ATP8A2: variants seen among roughly 807,000 people sequenced by gnomAD.
The protein encoded by ATP8A2 is ATPase phospholipid transporting 8A2.
ATP8A2 carries 100 observed loss-of-function variants against 165.6 expected under a neutral mutation model. The ratio of observed to expected loss-of-function variants is 0.60; its 90% CI spans 0.51 to 0.71. The LOEUF (loss-of-function observed/expected upper bound fraction) is 0.71. Among genes scored for constraint, ATP8A2 ranks in the 30% least tolerant of loss-of-function variants. The pLI is 0.00. For synonymous variants in ATP8A2, 543 were observed against 548.8 expected, an observed-to-expected ratio of 0.99 and a Z score of 0.15; for missense variants, 1,227 against 1,479.5, an observed-to-expected ratio of 0.83 and a Z score of 2.80.
intron 30 of ATP8A2, among the ~76,000 whole-genome samples, chr13:25,855,661 C>A (rs1432897998): frequency 6.6e-6 from 1 of 152,058 alleles, no homozygotes; most frequent in East Asian, 1.9e-4. Context: ...CATATGTTTT[C>A]ATTTCTCTTG....
Position 25,372,198 on chromosome 13 carries a change from C to A in ATP8A2, c.-15C>A. On this transcript the variant is annotated 5_prime_UTR_variant, in exon 1 of 37. Coordinates refer to ENST00000381655, the MANE Select transcript of ATP8A2 (RefSeq NM_016529.6). The surrounding 1 kb of genome is among the most constrained non-coding windows in gnomAD (Gnocchi z 4.8). ...GTCTCTCGCCCGGGGCCGCCGAGCC[C>A]CCGACACGGGCGAGATGCTGAACGG... 1 of 1,428,298 alleles carries A rather than the reference C, an allele frequency of 7.0e-7. No individual in the cohort carries two copies. Among genetic ancestry groups the A allele is most frequent in the Non-Finnish European group, 9.3e-7 (1 of 1,079,874 alleles). The allele number at this position is 1,428,298 out of a possible 1,614,324, so 88.5% of individuals were successfully genotyped here.
intron 26 of ATP8A2, among the ~76,000 whole-genome samples, chr13:25,769,865 AG>A (rs1245273146): frequency 1.3e-5 from 2 of 152,164 alleles, no homozygotes; most frequent in Non-Finnish European, 2.9e-5. Flanking sequence ...GGCTGATCCG[AG>A]CCTCGCATGC....
chr13:25,875,666 A>AAG (rs1952802849), intron 33 of ATP8A2, among the ~76,000 whole-genome samples: 2 of 149,622 alleles, frequency 1.3e-5, no homozygotes, highest in African/African-American at 5.1e-5. Flanking sequence ...TTTCACCCAA[A>AAG]GAATGATAGA....
chr13:25,402,725 C>T (rs182668560), intron 1 of ATP8A2, among the ~76,000 whole-genome samples: 51 of 152,254 alleles, frequency 3.3e-4, no homozygotes, highest in African/African-American at 1.2e-3. Context: ...CTGAGGGCTC[C>T]GCCTTTGAGA....
At chr13:25,822,684 T>C (rs1430697503) in intron 27 of ATP8A2, among the ~76,000 whole-genome samples, 1 of 152,214 alleles carries the variant, frequency 6.6e-6, no homozygotes, top group Non-Finnish European at 1.5e-5. Context: ...ATTCCAAATA[T>C]GTGTGTACTA....
intron 35 of ATP8A2, among the ~76,000 whole-genome samples, chr13:26,008,829 G>T (rs1956790918): frequency 6.6e-6 from 1 of 152,060 alleles, no homozygotes; most frequent in African/African-American, 2.4e-5. Context: ...TTGAAGAAGG[G>T]GGTTAAATTA....
chr13:25,706,273 A>G (rs953135761), intron 25 of ATP8A2, among the ~76,000 whole-genome samples: 2 of 152,214 alleles, frequency 1.3e-5, no homozygotes, highest in African/African-American at 4.8e-5. Flanking sequence ...ATGTATATAT[A>G]TACTGTCCAA....
intron 16 of ATP8A2, among the ~76,000 whole-genome samples, chr13:25,566,875 G>A (rs1410308783): frequency 6.6e-6 from 1 of 152,236 alleles, no homozygotes; most frequent in Non-Finnish European, 1.5e-5. Context: ...AGAAGCCAGT[G>A]TATGCTTTTG....
In ATP8A2 at chr13:25,828,179, G is replaced by C. The variant is rs770436436; in HGVS notation, c.2741G>C (p.Gly914Ala). The change falls in exon 28 of 37, where the codon GGC becomes GCC. Residue 914 changes from glycine to alanine, a missense_variant. Around this residue, in one of 5 missense-constraint regions of ATP8A2, gnomAD observed 592 missense variants for 785.6 expected, o/e 0.75. Transcript: ENST00000381655. Reference sequence around the variant, plus strand: ...ATTTTATTTGAACGTTGGTGCATCGGCCTGTACAATGTGGTAAGCATTCTT... The same window carrying C: ...ATTTTATTTGAACGTTGGTGCATCGCCCTGTACAATGTGGTAAGCATTCTT... Reference protein sequence around the residue: ...GQILFERWCIGLYNVIFTALP... With the variant: ...GQILFERWCIALYNVIFTALP... The C allele has an allele frequency of 6.2e-7, 1 of 1,613,758 alleles. No individual in the cohort carries two copies. The highest frequency in any genetic ancestry group is 2.2e-5 in the East Asian group (1 of 44,876).
rs954035930 is a variant in ATP8A2, at chr13:25,577,260, A to T, written c.1782+122A>T. ...TTGTCCAGAGTTGAAAGACTGTTTC[A>T]GGTAGGCTGTGAAGTTGACTTAGTA... On this transcript the variant is annotated intron_variant, in intron 20 of 36. Transcript: ENST00000381655. 5.7e-6 allele frequency: 5 copies of T among 874,562 alleles called. No homozygotes were observed. In the East Asian group the frequency reaches 1.2e-4, roughly 22 times the overall value. The allele number at this position is 874,562 out of a possible 1,614,324, so 54.2% of individuals were successfully genotyped here. A position where few individuals can be genotyped will look rare whatever the true frequency, so the allele number is the denominator to read the frequency against.
chr13:25,699,259 C>T lies in ATP8A2; in HGVS notation c.2298C>T (p.Gly766=), dbSNP rs1360593629. The change falls in exon 25 of 37, where the codon GGC becomes GGT. Residue 766 remains glycine (G), a synonymous_variant. Transcript: ENST00000381655. ...ATGACGTGGCCCTGATCATCGATGG[C>T]CACACCCTGAAGTACGCGCTCTCCT... ...KENDVALIID[G]HTLKYALSFE... is the part of the protein sequence containing the mutation. The T allele has an allele frequency of 6.2e-7, 1 of 1,613,788 alleles. No homozygotes were observed. The highest frequency in any genetic ancestry group is 1.1e-5 in the South Asian group (1 of 90,990).
rs1435544107 is a variant in ATP8A2 at position 25,860,952 on chromosome 13, T to C, written c.3075+92T>C. On this transcript the variant is annotated intron_variant, in intron 32 of 36. Coordinates refer to ENST00000381655, the MANE Select transcript of ATP8A2 (RefSeq NM_016529.6). ...AGCCTTGGGGAAACCATAAGCAATA[T>C]CTGGCTATCTTCTTTCAGATTTTCT... 4 of 839,896 alleles carry C rather than the reference T, an allele frequency of 4.8e-6. No individual in the cohort carries two copies. The East Asian group carries it at 1.1e-4, about 22-fold the overall frequency. The allele number at this position is 839,896 out of a possible 1,614,324, so 52.0% of individuals were successfully genotyped here.
chr13:25,881,956 G>A (rs1216306079), intron 33 of ATP8A2, among the ~76,000 whole-genome samples: 2 of 152,204 alleles, frequency 1.3e-5, no homozygotes, highest in African/African-American at 4.8e-5. Context: ...CAGTAAGGAC[G>A]CCATGGGAGG....
intron 35 of ATP8A2, among the ~76,000 whole-genome samples, chr13:25,975,405 G>A (rs1195408738): frequency 6.7e-6 from 1 of 149,054 alleles, no homozygotes; most frequent in Admixed American, 6.8e-5. Flanking sequence ...GTGAAATCCC[G>A]TCTCTACTAA....
At chr13:25,797,909 A>ATT (rs1950530105) in intron 27 of ATP8A2, among the ~76,000 whole-genome samples, 1 of 152,184 alleles carries the variant, frequency 6.6e-6, no homozygotes, top group Admixed American at 6.5e-5. Flanking sequence ...TTCCGTTTGG[A>ATT]CTGTGAATAA....
At chr13:25,960,470 G>A (rs1330333521) in intron 33 of ATP8A2, among the ~76,000 whole-genome samples, 1 of 151,920 alleles carries the variant, frequency 6.6e-6, no homozygotes. Context: ...CTCCTTTGCA[G>A]TGAGCTCTAG....
intron 25 of ATP8A2, among the ~76,000 whole-genome samples, chr13:25,703,748 C>G (rs2042999432): frequency 6.6e-6 from 1 of 152,112 alleles, no homozygotes; most frequent in South Asian, 2.1e-4. Flanking sequence ...ATCCACAGAG[C>G]CAGGAAGCAG....
At chr13:25,769,321 A>G in intron 26 of ATP8A2, 92 bp downstream of exon 26, 1 of 1,234,476 alleles carries the variant, frequency 8.1e-7, no homozygotes, top group Non-Finnish European at 1.1e-6. Flanking sequence ...GCATCTCCAA[A>G]CCTCTGCCAC....
intron 24 of ATP8A2, among the ~76,000 whole-genome samples, chr13:25,622,728 T>C (rs1014102574): frequency 6.6e-6 from 1 of 152,196 alleles, no homozygotes; most frequent in Non-Finnish European, 1.5e-5. Context: ...AAAGACCCTC[T>C]TAGCTCCCTT....
Sources: allele counts gnomAD v4.1 joint callset (sites outside exome capture counted in the v4.1 genomes callset), GRCh38; gene constraint gnomAD v4.1.1; regional missense constraint gnomAD v4.1.1; non-coding constraint Gnocchi (gnomAD v3.1); transcripts MANE v1.5; gene names NCBI Gene and HGNC (gene_info 2026-07-23, HGNC 2026-07-21).